Variants in TENM1 observed in about 807,000 individuals in gnomAD.
TENM1 encodes teneurin-1.
A neutral mutation model predicts 174.8 loss-of-function variants in TENM1; 35 were observed. The observed-to-expected ratio is 0.20, with a 90% CI of 0.15 to 0.27. TENM1 has a LOEUF of 0.27. TENM1 is among the 10% of genes least tolerant of loss of function. The probability of loss-of-function intolerance (pLI) is 1.00; values close to 1 mark genes in which losing one functional copy is unlikely to be tolerated. For synonymous variants in TENM1, 781 were observed against 798.7 expected (o/e 0.98, Z 0.37); for missense variants, 1,633 against 2,130.1 (o/e 0.77, Z 4.59).
chrX:124,592,626 C>A lies in TENM1; in HGVS notation c.2078-27066G>T, dbSNP rs549793284. On this transcript the variant is annotated intron_variant, in intron 11 of 31. Coordinates refer to ENST00000422452, the Ensembl canonical transcript of TENM1. ...AATTTTTATATTTTTAGTAGAGATG[C>A]GGTTTCCTATGTTGGCCAGGCTGGT... 4.0e-4 allele frequency among the ~76,000 whole-genome samples: 44 copies of A among 109,425 alleles called. No homozygotes were observed. The South Asian group carries it at 0.017, about 43-fold the overall frequency.
intron 24 of TENM1, 116 bp from the exon 28 acceptor site, chrX:124,420,937 A>G: frequency 7.1e-6 from 5 of 699,792 alleles, no homozygotes; most frequent in Non-Finnish European, 1.1e-5. Flanking sequence ...TCAGTGAACC[A>G]ACATTCTCTG....
In TENM1 at chrX:124,815,329, T is replaced by C. The variant is rs767673821; in HGVS notation, c.536-78132A>G. Among the ~76,000 whole-genome samples the C allele has an allele frequency of 4.5e-5, 5 of 112,103 alleles. No individual in the cohort carries two copies. The East Asian group carries it at 1.1e-3, about 25-fold the overall frequency. ...TTATAAAACAAAACAATGGAAGTCA[T>C]AGTGTTCTTCAGCATCCAAAAGACA... On this transcript the variant is annotated intron_variant, in intron 3 of 31. Transcript: ENST00000422452.
the TENM1 span, among the ~76,000 whole-genome samples, chrX:125,185,751 C>T: frequency 5.4e-5 from 6 of 111,998 alleles, no homozygotes; most frequent in Admixed American, 5.7e-4. Flanking sequence ...AACATATGTG[C>T]ATGCAAATCC....
the TENM1 span, among the ~76,000 whole-genome samples, chrX:125,039,958 T>C: frequency 8.1e-5 from 9 of 111,745 alleles, no homozygotes; most frequent in African/African-American, 2.9e-4. Flanking sequence ...TACCAGATTG[T>C]CACTGCACTA....
intron 3 of TENM1, among the ~76,000 whole-genome samples, chrX:124,892,829 C>G (rs2057498051): frequency 8.9e-6 from 1 of 111,768 alleles, no homozygotes; most frequent in Non-Finnish European, 1.9e-5. Flanking sequence ...TCTGAGGTAG[C>G]AAAACATATA....
chrX:124,377,388 T>G (rs1295162615), exon 32 of TENM1: 1 of 111,430 alleles, frequency 9.0e-6, no homozygotes, highest in Non-Finnish European at 1.9e-5. Context: ...ATACATTTTT[T>G]GGGTTAAAAA....
intron 3 of TENM1, among the ~76,000 whole-genome samples, chrX:124,840,306 C>A (rs2056472156): frequency 9.0e-6 from 1 of 111,478 alleles, no homozygotes; most frequent in South Asian, 3.8e-4. Context: ...CAAGACTGAT[C>A]TGCTTCATAA....
intron 3 of TENM1, among the ~76,000 whole-genome samples, chrX:124,831,450 C>G (rs2056286623): frequency 8.9e-6 from 1 of 111,892 alleles, no homozygotes; most frequent in Non-Finnish European, 1.9e-5. Context: ...AAACAGAAGA[C>G]TGAGACTTTA....
At chrX:124,594,245 T>A (rs1423142699) in intron 11 of TENM1, among the ~76,000 whole-genome samples, 1 of 111,552 alleles carries the variant, frequency 9.0e-6, no homozygotes, top group Admixed American at 9.5e-5. Context: ...CTGGATGACA[T>A]CATAGGGGCT....
chrX:124,736,015 C>A (rs2053662189), intron 4 of TENM1, among the ~76,000 whole-genome samples: 1 of 110,992 alleles, frequency 9.0e-6, no homozygotes, highest in Admixed American at 9.6e-5. Context: ...ACACTAGAAG[C>A]CCAAACCTCA....
intron 11 of TENM1, among the ~76,000 whole-genome samples, chrX:124,610,361 C>T (rs918453124): frequency 2.7e-5 from 3 of 111,919 alleles, no homozygotes; most frequent in Non-Finnish European, 3.8e-5. Context: ...TTTGAACATA[C>T]GAAGTCACTA....
At chrX:124,985,538 T>A in the TENM1 span, among the ~76,000 whole-genome samples, 2 of 112,049 alleles carry the variant, frequency 1.8e-5, no homozygotes, top group East Asian at 5.6e-4. Context: ...ACACATAAGC[T>A]GACAAATGTA....
intron 25 of TENM1, among the ~76,000 whole-genome samples, chrX:124,414,258 G>A (rs1473231788): frequency 2.7e-5 from 3 of 111,763 alleles, no homozygotes; most frequent in Non-Finnish European, 5.6e-5. Flanking sequence ...GGGGCCTGAC[G>A]AACCGTCAAC....
the TENM1 span, among the ~76,000 whole-genome samples, chrX:124,974,710 A>T: frequency 9.3e-6 from 1 of 107,548 alleles, no homozygotes; most frequent in African/African-American, 3.4e-5. Flanking sequence ...GAGGTAAAAA[A>T]TTAGTGAATG....
intron 5 of TENM1, among the ~76,000 whole-genome samples, chrX:124,689,864 C>T (rs2052473269): frequency 9.1e-6 from 1 of 110,107 alleles, no homozygotes; most frequent in Non-Finnish European, 1.9e-5. Flanking sequence ...ACAAGTATAA[C>T]AACATACCAT....
chrX:124,929,613 T>G (rs1368217190), intron 1 of TENM1, among the ~76,000 whole-genome samples: 1 of 112,184 alleles, frequency 8.9e-6, no homozygotes, highest in African/African-American at 3.2e-5. Context: ...GAGACTCTTA[T>G]GCCAGGTTTT....
chrX:124,462,429 T>TGGG (rs1487840715), intron 22 of TENM1, among the ~76,000 whole-genome samples: 2 of 28,810 alleles, frequency 6.9e-5, no homozygotes, highest in African/African-American at 3.6e-4. Context: ...TGTGTGTGTG[T>TGGG]GTGGGGGGGG....
exon 15 of TENM1, chrX:124,547,086 A>G: frequency 8.3e-7 from 1 of 1,203,994 alleles, no homozygotes; most frequent in Non-Finnish European, 1.1e-6. Flanking sequence ...AGTCGGTTAA[A>G]CCATCTGGAA....
intron 3 of TENM1, among the ~76,000 whole-genome samples, chrX:124,870,871 GAC>G (rs2057096804): frequency 9.0e-6 from 1 of 111,244 alleles, no homozygotes; most frequent in African/African-American, 3.3e-5. Flanking sequence ...TTAAATAATT[GAC>G]ACATTATAAT....
Sources: allele counts gnomAD v4.1 joint callset (sites outside exome capture counted in the v4.1 genomes callset), GRCh38; gene constraint gnomAD v4.1.1; transcripts MANE v1.5; gene names NCBI Gene and HGNC (gene_info 2026-07-23, HGNC 2026-07-21).